Variants in THSD7A observed in about 807,000 individuals in gnomAD.
THSD7A encodes the protein thrombospondin type-1 domain-containing protein 7A.
A neutral mutation model predicts 231.3 loss-of-function variants in THSD7A; 96 were observed. That is an observed-to-expected ratio of 0.41 (90% CI 0.35 to 0.49). The LOEUF (loss-of-function observed/expected upper bound fraction) is 0.49. THSD7A is among the 20% of genes least tolerant of loss of function. The probability of loss-of-function intolerance (pLI) is 0.05; values close to 1 mark genes in which losing one functional copy is unlikely to be tolerated. For synonymous variants in THSD7A, 940 were observed against 743.3 expected (o/e 1.26, Z -4.30); for missense variants, 2,290 against 2,070.2 (o/e 1.11, Z -2.06).
chr7:11,447,474 TCTA>T, intron 11 of THSD7A, 50 bp from the exon 12 acceptor site: 1 of 1,396,942 alleles, frequency 7.2e-7, no homozygotes, highest in Non-Finnish European at 9.4e-7. Flanking sequence ...GTCTAATTAC[TCTA>T]TAATTTAGAA....
intron 1 of THSD7A, among the ~76,000 whole-genome samples, chr7:11,649,967 G>T (rs1480267793): frequency 6.6e-6 from 1 of 152,040 alleles, no homozygotes; most frequent in Non-Finnish European, 1.5e-5. Flanking sequence ...TTGACAAACG[G>T]CAGAAGTGTT....
intron 1 of THSD7A, among the ~76,000 whole-genome samples, chr7:11,787,997 A>T (rs1385600717): frequency 6.6e-6 from 1 of 152,068 alleles, no homozygotes; most frequent in Non-Finnish European, 1.5e-5. Flanking sequence ...AATGTTCTAC[A>T]GTCTGCAAAG....
intron 6 of THSD7A, among the ~76,000 whole-genome samples, chr7:11,503,590 A>G (rs2128311024): frequency 6.6e-6 from 1 of 151,670 alleles, no homozygotes; most frequent in Admixed American, 6.6e-5. Context: ...AGCATCTATA[A>G]CGAACTTAAA....
intron 1 of THSD7A, among the ~76,000 whole-genome samples, chr7:11,761,116 T>C (rs924473039): frequency 3.3e-5 from 5 of 151,868 alleles, no homozygotes; most frequent in Admixed American, 1.3e-4. Flanking sequence ...TTAACTGCTG[T>C]TTCTAAAACT....
At chr7:11,430,455 A>T (rs941193642) in intron 13 of THSD7A, among the ~76,000 whole-genome samples, 2 of 152,084 alleles carry the variant, frequency 1.3e-5, no homozygotes, top group African/African-American at 4.8e-5. Context: ...GTAAAACATT[A>T]TGTGATCTTA....
In THSD7A at chr7:11,466,761, C is replaced by T. The variant is rs1785723091; in HGVS notation, c.2368+3118G>A. Among the ~76,000 whole-genome samples the T allele has an allele frequency of 2.0e-5, 3 of 151,988 alleles. No individual in the cohort carries two copies. In the South Asian group the frequency reaches 6.2e-4, roughly 32 times the overall value. Reference sequence around the variant, plus strand: ...GAGAGCCTCTTGCTTCTAAGAGAGCCGATTCCCGAGTTGGCATTTTTGCAC... The same window carrying T: ...GAGAGCCTCTTGCTTCTAAGAGAGCTGATTCCCGAGTTGGCATTTTTGCAC... On this transcript the variant is annotated intron_variant, in intron 9 of 27. Transcript: ENST00000423059.
chr7:11,434,775 C>T (rs781574918), intron 13 of THSD7A, among the ~76,000 whole-genome samples: 27 of 151,752 alleles, frequency 1.8e-4, no homozygotes, highest in Non-Finnish European at 3.4e-4. Context: ...AAAAAAAAAT[C>T]ATTTTGCAAA....
At chr7:11,783,387 C>T (rs574230158) in intron 1 of THSD7A, among the ~76,000 whole-genome samples, 7 of 151,270 alleles carry the variant, frequency 4.6e-5, no homozygotes, top group Admixed American at 1.3e-4. Context: ...TGTAGATACT[C>T]AAAGTATGGT....
intron 1 of THSD7A, among the ~76,000 whole-genome samples, chr7:11,696,381 G>A (rs968758472): frequency 1.3e-5 from 2 of 151,508 alleles, no homozygotes; most frequent in African/African-American, 4.8e-5. Context: ...ATATAAGGAA[G>A]TCAATTCTAA....
At chr7:11,791,332 T>C (rs896167689) in intron 1 of THSD7A, among the ~76,000 whole-genome samples, 1 of 151,992 alleles carries the variant, frequency 6.6e-6, no homozygotes, top group African/African-American at 2.4e-5. Flanking sequence ...TCTCCTATTA[T>C]GGGTATGGAA....
Position 11,407,342 on chromosome 7 carries a change from G to T in THSD7A, c.3880C>A (p.Pro1294Thr). Residue 1294 changes from proline (P) to threonine (T), a missense_variant, in exon 20 of 28, where the codon CCT (proline) becomes ACT (threonine). Physicochemically the swap from Pro to Thr is conservative, Grantham distance 38. Transcript: ENST00000423059. ...PVNCQLSDWS[P>T]WSECSQTCGL... is the part of the protein sequence containing the mutation. The stretch of plus-strand genomic sequence containing the variant: ...CATGTTTGAGAACATTCTGACCAAG[G>T]AGACCAATCAGAAAGCTGACAGTTC... The T allele has an allele frequency of 6.2e-7, 1 of 1,613,608 alleles. No homozygotes were observed. The highest frequency in any genetic ancestry group is 8.5e-7 in the Non-Finnish European group (1 of 1,179,788).
chr7:11,795,664 A>G (rs536694253), intron 1 of THSD7A, among the ~76,000 whole-genome samples: 1 of 152,108 alleles, frequency 6.6e-6, no homozygotes, highest in African/African-American at 2.4e-5. Context: ...ATTTACAAAT[A>G]AATATACATA....
At chr7:11,566,965 T>TAGCCGG in intron 4 of THSD7A, among the ~76,000 whole-genome samples, 1 of 92,306 alleles carries the variant, frequency 1.1e-5, no homozygotes, top group Non-Finnish European at 2.1e-5. Flanking sequence ...TGTGGGAGAG[T>TAGCCGG]GGGGGGGGGA....
intron 22 of THSD7A, among the ~76,000 whole-genome samples, chr7:11,404,343 C>A (rs116635701): frequency 0.011 from 1,741 of 152,228 alleles, 41 homozygotes; most frequent in African/African-American, 0.039. Context: ...TGAGGAGTGT[C>A]CATAGTAAGG....
chr7:11,786,286 C>T (rs1783790309), intron 1 of THSD7A, among the ~76,000 whole-genome samples: 1 of 152,060 alleles, frequency 6.6e-6, no homozygotes, highest in Non-Finnish European at 1.5e-5. Flanking sequence ...TGTACATTCT[C>T]CCTTGGAGTC....
At chr7:11,734,705 G>C (rs1252206746) in intron 1 of THSD7A, among the ~76,000 whole-genome samples, 1 of 151,856 alleles carries the variant, frequency 6.6e-6, no homozygotes, top group Non-Finnish European at 1.5e-5. Context: ...TATTCAGAAT[G>C]TAAACATCCT....
intron 11 of THSD7A, among the ~76,000 whole-genome samples, chr7:11,448,458 A>G (rs1785044978): frequency 6.6e-6 from 1 of 152,080 alleles, no homozygotes; most frequent in Non-Finnish European, 1.5e-5. Context: ...CCTCATTCAG[A>G]TTGATTTACT....
Position 11,411,188 on chromosome 7 carries a change from T to C in THSD7A, c.3798+19A>G, listed in dbSNP as rs767088671. ...AGGGAAGAATTTACTCGCGAAGATA[T>C]AACACAGCATCCACCTACCGCTTCA... On this transcript the variant is annotated intron_variant, in intron 19 of 27. Coordinates refer to ENST00000423059, the MANE Select transcript of THSD7A (RefSeq NM_015204.3). This position sits in a 1 kb window ranked among gnomAD's most constrained non-coding sequence, Gnocchi z 4.1. The C allele has an allele frequency of 5.7e-6, 9 of 1,584,360 alleles. No individual in the cohort carries two copies. The highest frequency in any genetic ancestry group is 6.9e-6 in the Non-Finnish European group (8 of 1,153,792).
At chr7:11,524,365 C>T (rs1255707502) in intron 6 of THSD7A, among the ~76,000 whole-genome samples, 1 of 152,102 alleles carries the variant, frequency 6.6e-6, no homozygotes, top group Non-Finnish European at 1.5e-5. Flanking sequence ...TACAACAGAG[C>T]TTGGTATCTT....
Sources: gnomAD v4.1 joint callset for allele counts (sites outside exome capture counted in the v4.1 genomes callset) on GRCh38, gnomAD v4.1.1 for gene constraint, Gnocchi (gnomAD v3.1) non-coding constraint, MANE v1.5 for transcripts, NCBI Gene and HGNC (gene_info 2026-07-23, HGNC 2026-07-21) for gene names.